Variants in SLC25A16 observed in about 807,000 individuals in gnomAD.
SLC25A16 encodes the protein solute carrier family 25 member 16.
Under a neutral mutation model 41.5 loss-of-function variants are expected in SLC25A16, and 39 were observed. The ratio of observed to expected loss-of-function variants is 0.94; its 90% confidence interval spans 0.73 to 1.23. The LOEUF (loss-of-function observed/expected upper bound fraction) is 1.23. Ranked by LOEUF, SLC25A16 falls within the 50% of genes most tolerant of loss-of-function variation. The pLI is 0.00. For missense variants in SLC25A16, 421 were observed against 426.9 expected (o/e 0.99, Z 0.12); for synonymous variants, 146 against 147.8 (o/e 0.99, Z 0.09).
At chr10:68,509,821 G>A (rs1185683762) in intron 2 of SLC25A16, among the ~76,000 whole-genome samples, 9 of 151,540 alleles carry the variant, frequency 5.9e-5, no homozygotes, top group Non-Finnish European at 8.8e-5. Context: ...GGCCAGGCGC[G>A]GTGACTCATG....
At chr10:68,508,274 T>C (rs976978128) in intron 2 of SLC25A16, among the ~76,000 whole-genome samples, 1 of 151,496 alleles carries the variant, frequency 6.6e-6, no homozygotes, top group African/African-American at 2.4e-5. Flanking sequence ...CAATCTGGAG[T>C]TTATGACATA....
chr10:68,502,616 G>C (rs1564918560), intron 4 of SLC25A16, among the ~76,000 whole-genome samples: 1 of 149,900 alleles, frequency 6.7e-6, no homozygotes, highest in African/African-American at 2.5e-5. Flanking sequence ...TATAGTTCCA[G>C]CTACTTTTGG....
Position 68,506,997 on chromosome 10 carries a change from A to G in SLC25A16, c.224-279T>C, listed in dbSNP as rs148552555. ...TTATAATAATAGCAAATTATATTAA[A>G]CTATAGCAATCTAAAAAATATTAAC... On this transcript the variant is annotated intron_variant, in intron 2 of 8. Coordinates refer to ENST00000609923, the MANE Select transcript of SLC25A16 (RefSeq NM_152707.4). Among the ~76,000 whole-genome samples, 981 of 152,088 alleles carry G rather than the reference A, an allele frequency of 6.5e-3. 12 individuals carry two copies. The highest frequency in any genetic ancestry group is 0.023 in the African/African-American group (935 of 41,510).
intron 1 of SLC25A16, among the ~76,000 whole-genome samples, chr10:68,524,283 C>T (rs1436161785): frequency 7.6e-6 from 1 of 131,768 alleles, no homozygotes; most frequent in Admixed American, 8.5e-5. Context: ...CCACTGCACT[C>T]CAGCCTGGGC....
Position 68,506,646 on chromosome 10 carries a change from A to G in SLC25A16, c.296T>C (p.Met99Thr). 6.2e-7 allele frequency: 1 copy of G among 1,604,724 alleles called. No homozygotes were observed. Among genetic ancestry groups the G allele is most frequent in the Non-Finnish European group, 8.5e-7 (1 of 1,174,026 alleles). ...ACCATAGGGAAAGATTCGAATCATC[A>G]TTGCACCATTTCCTTTATACAATCC... Reference protein sequence around the residue: ...FLGLYKGNGAMMIRIFPYGAI... With the variant: ...FLGLYKGNGATMIRIFPYGAI... The change falls in exon 3 of 9, where the codon ATG (methionine) becomes ACG (threonine). Residue 99 changes from methionine to threonine, a missense_variant. Coordinates refer to ENST00000609923, the MANE Select transcript of SLC25A16 (RefSeq NM_152707.4).
intron 1 of SLC25A16, among the ~76,000 whole-genome samples, chr10:68,525,336 A>T (rs372791122): frequency 1.3e-5 from 2 of 152,064 alleles, no homozygotes; most frequent in South Asian, 2.1e-4. Context: ...GGGTTTCACC[A>T]TGTTGGCCAG....
At chr10:68,512,755 G>A (rs905463160) in intron 2 of SLC25A16, among the ~76,000 whole-genome samples, 3 of 151,384 alleles carry the variant, frequency 2.0e-5, no homozygotes, top group Non-Finnish European at 4.4e-5. Flanking sequence ...ATGTTGGTTG[G>A]GGCTGGAAGT....
chr10:68,504,784 G>A (rs1440612563), intron 3 of SLC25A16, among the ~76,000 whole-genome samples: 2 of 151,532 alleles, frequency 1.3e-5, no homozygotes, highest in African/African-American at 2.4e-5. Context: ...GGGTTCAAGC[G>A]ATTATCCTGC....
At chr10:68,487,240 T>G (rs1228093127) in intron 7 of SLC25A16, 28 bp from the exon 8 acceptor site, 14 of 1,603,024 alleles carry the variant, frequency 8.7e-6, no homozygotes, top group Non-Finnish European at 1.1e-5. Context: ...CATAAAGAAT[T>G]AAAAATTTTT....
intron 4 of SLC25A16, among the ~76,000 whole-genome samples, chr10:68,495,945 C>T (rs950552219): frequency 5.9e-5 from 9 of 151,806 alleles, no homozygotes; most frequent in African/African-American, 2.2e-4. Context: ...AAGTGGGTAC[C>T]CAAATCAGGG....
At chr10:68,504,630 G>A (rs989171913) in intron 3 of SLC25A16, among the ~76,000 whole-genome samples, 2 of 150,976 alleles carry the variant, frequency 1.3e-5, no homozygotes, top group South Asian at 2.1e-4. Context: ...GCCCGCCTCG[G>A]CATCCCAAAG....
At chr10:68,499,936 A>G (rs1247349707) in intron 4 of SLC25A16, 15 of 581,000 alleles carry the variant, frequency 2.6e-5, no homozygotes, top group African/African-American at 7.5e-5. Flanking sequence ...GGGCAAATAC[A>G]AGGAAGAAAC....
chr10:68,506,881 A>G (rs2052964604), intron 2 of SLC25A16, among the ~76,000 whole-genome samples, 163 bp from the exon 3 acceptor site: 1 of 149,864 alleles, frequency 6.7e-6, no homozygotes, highest in African/African-American at 2.4e-5. Flanking sequence ...CCTACTAAAA[A>G]TGCATCATAT....
intron 2 of SLC25A16, among the ~76,000 whole-genome samples, chr10:68,515,133 G>C (rs1422878185): frequency 6.0e-5 from 9 of 150,446 alleles, no homozygotes; most frequent in Admixed American, 6.0e-4. Context: ...GAGGCAGGCA[G>C]ATCACCTGAG....
At chr10:68,499,793 G>A in intron 4 of SLC25A16, 1 of 432,736 alleles carries the variant, frequency 2.3e-6, no homozygotes. Context: ...AGTGCAGTGG[G>A]AAAAGGCTAA....
chr10:68,520,203 C>T (rs961869651), intron 1 of SLC25A16, among the ~76,000 whole-genome samples: 3 of 151,744 alleles, frequency 2.0e-5, no homozygotes, highest in Non-Finnish European at 4.4e-5. Context: ...GTCATCCACC[C>T]GCCTCTACCT....
At chr10:68,485,545 G>C (rs972467471) in intron 8 of SLC25A16, among the ~76,000 whole-genome samples, 1 of 151,602 alleles carries the variant, frequency 6.6e-6, no homozygotes, top group African/African-American at 2.4e-5. Context: ...CACCAGCCCA[G>C]CTAATTTTTT....
At chr10:68,501,579 G>A (rs189071324) in intron 4 of SLC25A16, among the ~76,000 whole-genome samples, 33 of 146,622 alleles carry the variant, frequency 2.3e-4, no homozygotes, top group East Asian at 2.2e-3. Context: ...GGAGGGGAGG[G>A]AAGAGGAGGG....
chr10:68,502,552 A>T (rs1444474418), intron 4 of SLC25A16, among the ~76,000 whole-genome samples: 1 of 151,292 alleles, frequency 6.6e-6, no homozygotes, highest in Non-Finnish European at 1.5e-5. Context: ...CAACATGACA[A>T]ATGCCCGTCT....
Sources: gnomAD v4.1 joint callset for allele counts (sites outside exome capture counted in the v4.1 genomes callset) on GRCh38, gnomAD v4.1.1 for gene constraint, MANE v1.5 for transcripts, NCBI Gene and HGNC (gene_info 2026-07-23, HGNC 2026-07-21) for gene names.